Variants in MOXD1 observed in about 807,000 individuals in gnomAD.
MOXD1 encodes DBH-like monooxygenase protein 1.
Under a neutral mutation model 66.6 loss-of-function variants are expected in MOXD1, and 62 were observed. The observed-to-expected ratio is 0.93, with a 90% CI of 0.76 to 1.15. The LOEUF is 1.15. Ranked by LOEUF, MOXD1 falls within the 50% of genes most tolerant of loss-of-function variation. The pLI, the probability that MOXD1 is intolerant of heterozygous loss-of-function variation, is 0.00. For missense variants in MOXD1, 847 were observed against 754.6 expected (o/e 1.12, Z -1.44); for synonymous variants, 303 against 281.9 (o/e 1.07, Z -0.75).
rs1775226590 is a variant in MOXD1 at position 132,328,075 on chromosome 6, G to A, written c.884C>T (p.Thr295Ile). 1 of 1,613,758 alleles carries A rather than the reference G, an allele frequency of 6.2e-7. No individual in the cohort carries two copies. Among genetic ancestry groups the A allele is most frequent in the African/African-American group, 1.3e-5 (1 of 74,882 alleles). The change falls in exon 6 of 12, where the codon ACT becomes ATT. Residue 295 changes from threonine to isoleucine, a missense_variant. Thr to Ile is a moderately conservative substitution (Grantham distance 89). Coordinates refer to ENST00000367963, the MANE Select transcript of MOXD1 (RefSeq NM_015529.4). ...GAGCACATAATGCGGATCTAATGGA[G>A]TGCCAAGGGATAATCCAACATGAGG... ...YPPHVGLSLG[T>I]PLDPHYVLLE...
intron 4 of MOXD1, among the ~76,000 whole-genome samples, chr6:132,343,933 G>T (rs909829411): frequency 1.3e-5 from 2 of 151,968 alleles, no homozygotes; most frequent in South Asian, 2.1e-4. Flanking sequence ...ATCCTATCAG[G>T]ATCTAAAAGT....
intron 4 of MOXD1, among the ~76,000 whole-genome samples, chr6:132,350,076 T>TCTGTTTAC (rs1775773528): frequency 6.6e-6 from 1 of 152,210 alleles, no homozygotes; most frequent in African/African-American, 2.4e-5. Context: ...CTGTGGGTTG[T>TCTGTTTAC]CTGTTTACTC....
chr6:132,300,202 T>C (rs184592120), intron 10 of MOXD1, among the ~76,000 whole-genome samples: 1 of 152,236 alleles, frequency 6.6e-6, no homozygotes, highest in Non-Finnish European at 1.5e-5. Flanking sequence ...GCAATCAGCA[T>C]TGCATTACAT....
chr6:132,357,894 T>G (rs1582592146), intron 4 of MOXD1, among the ~76,000 whole-genome samples: 1 of 152,172 alleles, frequency 6.6e-6, no homozygotes, highest in Non-Finnish European at 1.5e-5. Flanking sequence ...AGTTTTTTCC[T>G]CTGGACTTCA....
chr6:132,331,781 CA>C (rs1775324341), intron 4 of MOXD1, among the ~76,000 whole-genome samples: 1 of 152,150 alleles, frequency 6.6e-6, no homozygotes, highest in Non-Finnish European at 1.5e-5. Flanking sequence ...AGTGTGACCC[CA>C]AAGTCTGTAC....
chr6:132,395,737 A>G (rs1776856306), intron 1 of MOXD1, among the ~76,000 whole-genome samples: 1 of 152,226 alleles, frequency 6.6e-6, no homozygotes, highest in African/African-American at 2.4e-5. Flanking sequence ...TGCTTATATC[A>G]GGTGAAACAT....
At chr6:132,305,651 G>A (rs1453380625) in intron 10 of MOXD1, among the ~76,000 whole-genome samples, 2 of 152,210 alleles carry the variant, frequency 1.3e-5, no homozygotes, top group South Asian at 2.1e-4. Context: ...GAAGGAGTAG[G>A]CACTCATCTT....
At chr6:132,313,171 A>G (rs995775154) in intron 10 of MOXD1, among the ~76,000 whole-genome samples, 1 of 152,134 alleles carries the variant, frequency 6.6e-6, no homozygotes, top group Admixed American at 6.5e-5. Flanking sequence ...CAGAGACTAG[A>G]TGCAAACCCC....
At chr6:132,303,894 A>C (rs1774629091) in intron 10 of MOXD1, among the ~76,000 whole-genome samples, 2 of 115,886 alleles carry the variant, frequency 1.7e-5, no homozygotes, top group African/African-American at 6.8e-5. Context: ...TATACATAAA[A>C]CCTTAGGACA....
At chr6:132,303,833 GTGTATATATATATATATA>G (rs1774619015) in intron 10 of MOXD1, among the ~76,000 whole-genome samples, 7 of 59,984 alleles carry the variant, frequency 1.2e-4, no homozygotes, top group South Asian at 5.6e-4. Flanking sequence ...GTGTGTGTGT[GTGTATATATATATATATA>G]TATATATATA....
chr6:132,387,024 T>TG (rs1776665023), intron 1 of MOXD1, among the ~76,000 whole-genome samples: 2 of 150,846 alleles, frequency 1.3e-5, no homozygotes, highest in South Asian at 4.3e-4. Context: ...GCTGTTTTTT[T>TG]TTCCTCAGGT....
chr6:132,342,085 C>T (rs184715140), intron 4 of MOXD1, among the ~76,000 whole-genome samples: 48 of 151,484 alleles, frequency 3.2e-4, no homozygotes, highest in African/African-American at 1.1e-3. Flanking sequence ...TCACTGCAAA[C>T]TCCACCTCCC....
rs967866641 is a variant in MOXD1 at position 132,296,275 on chromosome 6, C to G, written c.*878G>C. 6.6e-6 allele frequency: 1 copy of G among 152,078 alleles called. No homozygotes were observed. Among genetic ancestry groups the G allele is most frequent in the African/African-American group, 2.4e-5 (1 of 41,414 alleles). The allele number at this position is 152,078 out of a possible 1,614,324, so 9.4% of individuals were successfully genotyped here. On this transcript the variant is annotated 3_prime_UTR_variant, in exon 12 of 12. Transcript: ENST00000367963. ...GCCAGTATGTGGTACATGTGTCACC[C>G]AAAGTCAGCAAGGAACCATTCAGAA...
chr6:132,395,400 TAGA>T (rs1211485466), intron 1 of MOXD1, among the ~76,000 whole-genome samples: 2 of 151,696 alleles, frequency 1.3e-5, no homozygotes, highest in Non-Finnish European at 2.9e-5. Flanking sequence ...AGGAAAAGAC[TAGA>T]AGGTTACCAC....
chr6:132,365,504 T>A (rs896256872), intron 4 of MOXD1, among the ~76,000 whole-genome samples: 19 of 152,174 alleles, frequency 1.2e-4, no homozygotes, highest in African/African-American at 4.6e-4. Context: ...AGAAAGAGCC[T>A]ATTGAGGTCA....
At chr6:132,328,187 G>A in intron 5 of MOXD1, 72 bp from the exon 6 acceptor site, 1 of 1,361,028 alleles carries the variant, frequency 7.3e-7, no homozygotes, top group Middle Eastern at 1.8e-4. Context: ...TCAAAAACCA[G>A]CCATCTTCAA....
At chr6:132,297,408 G>C (rs41286162) in intron 11 of MOXD1, 91 bp from the exon 12 acceptor site, 75,533 of 1,334,128 alleles carry the variant, frequency 0.057, 2,479 homozygotes, top group South Asian at 0.085. Context: ...TTCTGCAGGG[G>C]ATAAAGGGGG....
At chr6:132,374,581 G>C (rs762839102) in intron 2 of MOXD1, 50 bp downstream of exon 2, 4 of 1,549,296 alleles carry the variant, frequency 2.6e-6, no homozygotes, top group Non-Finnish European at 3.5e-6. Context: ...TGCTTCACAA[G>C]TGTAAATATA....
chr6:132,373,262 A>C (rs1776305302), intron 2 of MOXD1, among the ~76,000 whole-genome samples: 1 of 152,180 alleles, frequency 6.6e-6, no homozygotes, highest in South Asian at 2.1e-4. Flanking sequence ...AGGACAATTG[A>C]CTCAGTAATT....
Sources: gnomAD v4.1 joint callset for allele counts (sites outside exome capture counted in the v4.1 genomes callset) on GRCh38, gnomAD v4.1.1 for gene constraint, MANE v1.5 for transcripts, NCBI Gene and HGNC (gene_info 2026-07-23, HGNC 2026-07-21) for gene names.